Variants in CHRM3 observed in about 807,000 individuals in gnomAD.
CHRM3 encodes the protein muscarinic acetylcholine receptor M3.
Under a neutral mutation model 41.8 loss-of-function variants are expected in CHRM3, and 11 were observed. The ratio of observed to expected loss-of-function variants is 0.26; its 90% CI spans 0.17 to 0.44. CHRM3 has a LOEUF of 0.44. Ranked by LOEUF, CHRM3 falls within the 20% of genes least tolerant of loss-of-function variation. The pLI, the probability that CHRM3 is intolerant of heterozygous loss-of-function variation, is 1.00. For synonymous variants in CHRM3, 297 were observed against 301.4 expected, an observed-to-expected ratio of 0.99 and a Z score of 0.15; for missense variants, 571 against 745.4, an observed-to-expected ratio of 0.77 and a Z score of 2.72.
chr1:239,498,978 A>G (rs1315383185), intron 2 of CHRM3, among the ~76,000 whole-genome samples: 1 of 152,156 alleles, frequency 6.6e-6, no homozygotes, highest in Non-Finnish European at 1.5e-5. Context: ...CTAGTAAATT[A>G]AAGACTCTTG....
chr1:239,453,736 A>G lies in CHRM3; in HGVS notation c.-520-38973A>G, dbSNP rs560422048. On this transcript the variant is annotated intron_variant, in intron 1 of 6. Transcript: ENST00000676153. Reference sequence around the variant, plus strand: ...AAAAGTGTTATTTTCATGAGCAAATATGTCTGTTGAGCAGCAGATCCCAAG... The same window carrying G: ...AAAAGTGTTATTTTCATGAGCAAATGTGTCTGTTGAGCAGCAGATCCCAAG... Among the ~76,000 whole-genome samples, 102 of 152,312 alleles carry G rather than the reference A, an allele frequency of 6.7e-4. 1 individual carries two copies. The highest frequency in any genetic ancestry group is 6.8e-3 in the Middle Eastern group (2 of 294).
intron 6 of CHRM3, among the ~76,000 whole-genome samples, chr1:239,852,897 T>C (rs1674812376): frequency 6.6e-6 from 1 of 152,142 alleles, no homozygotes; most frequent in South Asian, 2.1e-4. Flanking sequence ...AGGTGTTACA[T>C]GGTAACTTTT....
At chr1:239,798,037 A>G (rs1669930304) in intron 5 of CHRM3, among the ~76,000 whole-genome samples, 1 of 152,092 alleles carries the variant, frequency 6.6e-6, no homozygotes, top group Non-Finnish European at 1.5e-5. Flanking sequence ...TGACAGAACA[A>G]GACCCTATCT....
rs1210614476 is a variant in CHRM3 at position 239,685,428 on chromosome 1, G to A, written c.-147+7140G>A. 5.3e-5 allele frequency among the ~76,000 whole-genome samples: 8 copies of A among 152,144 alleles called. 1 individual carries two copies. The highest frequency in any genetic ancestry group is 1.5e-5 in the Non-Finnish European group (1 of 68,036). On this transcript the variant is annotated intron_variant, in intron 5 of 6. Transcript: ENST00000676153. The stretch of plus-strand genomic sequence containing the variant: ...AAGAAGGGGGTTGTAACCCATAGTC[G>A]TTTGTATTCTGCCATGCACTTCTCC...
chr1:239,792,589 C>A (rs1407221131), intron 5 of CHRM3, among the ~76,000 whole-genome samples: 1 of 152,094 alleles, frequency 6.6e-6, no homozygotes, highest in African/African-American at 2.4e-5. Flanking sequence ...CTTCAAAAAC[C>A]TATATAGAGG....
intron 6 of CHRM3, among the ~76,000 whole-genome samples, chr1:239,890,032 G>C (rs1379819598): frequency 6.6e-6 from 1 of 152,096 alleles, no homozygotes; most frequent in Non-Finnish European, 1.5e-5. Flanking sequence ...AACAAATGGA[G>C]AGTCAGGCAT....
chr1:239,837,806 A>G (rs1673453865), intron 6 of CHRM3, among the ~76,000 whole-genome samples: 1 of 152,162 alleles, frequency 6.6e-6, no homozygotes, highest in Non-Finnish European at 1.5e-5. Flanking sequence ...CACTGAGTAT[A>G]GTTTCTCTCA....
At chr1:239,404,010 A>AGAGAGAGAGAGAGG (rs1660218511) in intron 1 of CHRM3, among the ~76,000 whole-genome samples, 1 of 148,774 alleles carries the variant, frequency 6.7e-6, no homozygotes, top group Non-Finnish European at 1.5e-5. Context: ...AGAGAGAGAG[A>AGAGAGAGAGAGAGG]GAGATACCTG....
intron 1 of CHRM3, among the ~76,000 whole-genome samples, chr1:239,490,670 T>C (rs989195842): frequency 2.0e-5 from 3 of 152,104 alleles, no homozygotes; most frequent in Non-Finnish European, 2.9e-5. Context: ...CAAGCAATCC[T>C]TTGGCCTCAG....
At chr1:239,726,166 C>T (rs559531338) in intron 5 of CHRM3, among the ~76,000 whole-genome samples, 8 of 151,994 alleles carry the variant, frequency 5.3e-5, no homozygotes, top group East Asian at 3.9e-4. Flanking sequence ...TTCTGAAAAG[C>T]GTATTGACCT....
chr1:239,565,911 T>A (rs12738890), intron 3 of CHRM3, among the ~76,000 whole-genome samples: 1 of 124,476 alleles, frequency 8.0e-6, no homozygotes, highest in Non-Finnish European at 1.6e-5. Context: ...ATCTTTTTTC[T>A]TTTTTTTTTT....
At chr1:239,580,274 A>G (rs1662747937) in intron 3 of CHRM3, among the ~76,000 whole-genome samples, 1 of 144,166 alleles carries the variant, frequency 6.9e-6, no homozygotes, top group South Asian at 2.2e-4. Context: ...ACACACACAC[A>G]CACACACACA....
intron 4 of CHRM3, among the ~76,000 whole-genome samples, chr1:239,652,824 G>A (rs1672358009): frequency 6.6e-6 from 1 of 151,996 alleles, no homozygotes; most frequent in Non-Finnish European, 1.5e-5. Flanking sequence ...TCATAAAGTC[G>A]TGAAAACCAA....
rs1680261111 is a variant in CHRM3 at position 239,909,875 on chromosome 1, T to A, written c.*651T>A. On this transcript the variant is annotated 3_prime_UTR_variant, in exon 7 of 7. Coordinates refer to ENST00000676153, the MANE Select transcript of CHRM3 (RefSeq NM_001375978.1). ...TGTGTGAGTTCTGCACGCACACACA[T>A]AGTGTATATAATATCATGGGAAACA... is the stretch of plus-strand genomic sequence containing the variant. 1 of 167,110 alleles carries A rather than the reference T, an allele frequency of 6.0e-6. No individual in the cohort carries two copies. Among genetic ancestry groups the A allele is most frequent in the Admixed American group, 6.5e-5 (1 of 15,288 alleles). 10.4% of individuals were successfully genotyped at this position (167,110 alleles called of 1,614,324 possible). A position where few individuals can be genotyped will look rare whatever the true frequency, so the allele number is the denominator to read the frequency against.
chr1:239,425,265 C>T (rs1415318347), intron 1 of CHRM3, among the ~76,000 whole-genome samples: 2 of 152,128 alleles, frequency 1.3e-5, no homozygotes, highest in Non-Finnish European at 2.9e-5. Flanking sequence ...CCTTTACCTG[C>T]GTTTTCCCTT....
At chr1:239,617,826 T>A (rs1378727192) in intron 3 of CHRM3, among the ~76,000 whole-genome samples, 1 of 152,158 alleles carries the variant, frequency 6.6e-6, no homozygotes, top group African/African-American at 2.4e-5. Flanking sequence ...TTCTGTCGCC[T>A]TCTTCACACA....
In CHRM3 at chr1:239,560,668, A is replaced by ATG. The variant is rs543456177; in HGVS notation, c.-313+14925_-313+14926dup. Among the ~76,000 whole-genome samples, 172 of 152,142 alleles carry ATG rather than the reference A, an allele frequency of 1.1e-3. 1 individual carries two copies. Among genetic ancestry groups the ATG allele is most frequent in the Non-Finnish European group, 1.8e-3 (122 of 68,004 alleles). ...TTCTGTATTGCAACTTTAAATATAT[A>ATG]TGTGTGTATATATATATATGTGTGT... On this transcript the variant is annotated intron_variant, in intron 3 of 6. Coordinates refer to ENST00000676153, the MANE Select transcript of CHRM3 (RefSeq NM_001375978.1).
intron 1 of CHRM3, among the ~76,000 whole-genome samples, chr1:239,472,794 G>A (rs1450434867): frequency 1.3e-5 from 2 of 152,114 alleles, no homozygotes; most frequent in Admixed American, 1.3e-4. Context: ...GTACCTAGGT[G>A]ATGGGCTGAT....
chr1:239,767,778 G>C (rs189824500), intron 5 of CHRM3, among the ~76,000 whole-genome samples: 7 of 152,236 alleles, frequency 4.6e-5, no homozygotes, highest in Admixed American at 3.9e-4. Flanking sequence ...GTAACTGATG[G>C]AATCAGATGG....
Sources: gnomAD v4.1 joint callset for allele counts (sites outside exome capture counted in the v4.1 genomes callset) on GRCh38, gnomAD v4.1.1 for gene constraint, MANE v1.5 for transcripts, NCBI Gene and HGNC (gene_info 2026-07-23, HGNC 2026-07-21) for gene names.